The following TTLL7 variants were observed in gnomAD, a reference collection of about 807,000 sequenced individuals.
TTLL7 encodes the protein tubulin polyglutamylase TTLL7.
Under a neutral mutation model 120.2 loss-of-function variants are expected in TTLL7, and 53 were observed. The observed-to-expected ratio is 0.44, with a 90% CI of 0.35 to 0.55. The LOEUF is 0.55. Ranked by LOEUF, TTLL7 falls within the 20% of genes least tolerant of loss-of-function variation. The pLI is 0.00. For synonymous variants in TTLL7, 353 were observed against 351.7 expected (o/e 1.00, Z -0.04); for missense variants, 803 against 1,054.7 (o/e 0.76, Z 3.31).
chr1:83,969,876 T>A (rs1650818733), intron 1 of TTLL7, among the ~76,000 whole-genome samples: 1 of 151,996 alleles, frequency 6.6e-6, no homozygotes, highest in Non-Finnish European at 1.5e-5. Flanking sequence ...GAATGATTCA[T>A]AATAAATGAA....
chr1:83,915,101 G>A (rs185477252), intron 14 of TTLL7, among the ~76,000 whole-genome samples: 409 of 152,196 alleles, frequency 2.7e-3, no homozygotes, highest in African/African-American at 9.4e-3. Flanking sequence ...AAGCAACAGC[G>A]GTTCAGCTGA....
chr1:83,897,591 C>G lies in TTLL7; in HGVS notation c.2208+6488G>C, dbSNP rs191415492. Among the ~76,000 whole-genome samples the G allele has an allele frequency of 5.9e-5, 9 of 152,204 alleles. No homozygotes were observed. The East Asian group carries it at 1.6e-3, about 26-fold the overall frequency. On this transcript the variant is annotated intron_variant, in intron 18 of 20. Transcript: ENST00000260505. Reference sequence around the variant, plus strand: ...GCAATATTCAAACCATGCTTACACTCTCCCAAGATAGTTCCCAGCCAAGGA... The same window carrying G: ...GCAATATTCAAACCATGCTTACACTGTCCCAAGATAGTTCCCAGCCAAGGA...
chr1:83,896,365 C>T (rs1292395374), intron 18 of TTLL7, among the ~76,000 whole-genome samples: 2 of 152,128 alleles, frequency 1.3e-5, no homozygotes, highest in East Asian at 1.9e-4. Context: ...AAATATAGCA[C>T]ATTTGAAGGC....
At chr1:83,997,495 T>G (rs527334903) in intron 1 of TTLL7, among the ~76,000 whole-genome samples, 2 of 152,276 alleles carry the variant, frequency 1.3e-5, no homozygotes, top group South Asian at 4.1e-4. Context: ...AGAACTACAT[T>G]TTACTACAAC....
intron 6 of TTLL7, among the ~76,000 whole-genome samples, 182 bp from the exon 7 acceptor site, chr1:83,942,861 C>A (rs1298903205): frequency 2.6e-5 from 4 of 152,170 alleles, no homozygotes; most frequent in African/African-American, 9.7e-5. Flanking sequence ...AGAAACTAAG[C>A]AAAGGCTTGC....
intron 18 of TTLL7, among the ~76,000 whole-genome samples, chr1:83,902,972 A>C (rs1656851990): frequency 1.3e-5 from 2 of 151,624 alleles, no homozygotes; most frequent in Admixed American, 6.6e-5. Flanking sequence ...TACCCTAAAA[A>C]CCTTCTAGCT....
At chr1:83,874,748 CT>C (rs1171419239) in intron 20 of TTLL7, among the ~76,000 whole-genome samples, 1 of 151,956 alleles carries the variant, frequency 6.6e-6, no homozygotes, top group Non-Finnish European at 1.5e-5. Flanking sequence ...CAAATTCTAC[CT>C]TTGCCAAATC....
At chr1:83,932,562 GGC>G (rs752455445) in intron 9 of TTLL7, among the ~76,000 whole-genome samples, 1 of 122,590 alleles carries the variant, frequency 8.2e-6, no homozygotes, top group Non-Finnish European at 2.0e-5. Flanking sequence ...ACCACACATA[GGC>G]GCGCGCACAC....
At chr1:83,965,054 C>T (rs757032555) in intron 1 of TTLL7, among the ~76,000 whole-genome samples, 2 of 152,002 alleles carry the variant, frequency 1.3e-5, no homozygotes, top group Non-Finnish European at 2.9e-5. Flanking sequence ...GTGAGCATGC[C>T]ACGTTGCTGG....
At position 83,947,251 on chromosome 1, in the gene TTLL7, A is replaced by C; in HGVS notation, c.379T>G (p.Phe127Val). The C allele has an allele frequency of 6.2e-7, 1 of 1,612,066 alleles. No individual in the cohort carries two copies. Among genetic ancestry groups the C allele is most frequent in the South Asian group, 1.1e-5 (1 of 90,406 alleles). ...MIKSRPLDYTFVPRTWIFPAE... is the reference protein window; with the variant it reads ...MIKSRPLDYTVVPRTWIFPAE... ...GGAAAGATCCAAGTTCGAGGAACAA[A>C]GGTATAATCCAGAGGCCGAGACTTG... Residue 127 changes from phenylalanine to valine, a missense_variant, in exon 6 of 21, where the codon TTT (phenylalanine) becomes GTT (valine). Physicochemically the swap from Phe to Val is conservative, Grantham distance 50. Around this residue, in one of 3 missense-constraint regions of TTLL7, gnomAD observed 324 missense variants for 507.7 expected, o/e 0.64. Coordinates refer to ENST00000260505, the MANE Select transcript of TTLL7 (RefSeq NM_024686.6).
intron 18 of TTLL7, among the ~76,000 whole-genome samples, chr1:83,895,507 GA>G (rs573295361): frequency 6.3e-4 from 95 of 151,938 alleles, no homozygotes; most frequent in Non-Finnish European, 9.4e-4. Flanking sequence ...AATTCTGCAG[GA>G]AAAAAATGTA....
At chr1:83,976,186 C>T (rs989940006) in intron 1 of TTLL7, among the ~76,000 whole-genome samples, 1 of 151,916 alleles carries the variant, frequency 6.6e-6, no homozygotes, top group Non-Finnish European at 1.5e-5. Context: ...GATAAAAAGA[C>T]AATCCAGAAA....
chr1:83,997,002 T>A (rs771088533), intron 1 of TTLL7, among the ~76,000 whole-genome samples: 4 of 152,178 alleles, frequency 2.6e-5, no homozygotes, highest in Admixed American at 6.5e-5. Flanking sequence ...TATAGCCATG[T>A]AAAGAACAAA....
intron 20 of TTLL7, among the ~76,000 whole-genome samples, chr1:83,877,723 T>C (rs956089751): frequency 2.4e-4 from 37 of 152,098 alleles, no homozygotes. Flanking sequence ...CCATTTTATA[T>C]TCTTTATCAG....
intron 18 of TTLL7, among the ~76,000 whole-genome samples, chr1:83,893,343 A>G (rs1655941237): frequency 6.6e-6 from 1 of 152,068 alleles, no homozygotes; most frequent in African/African-American, 2.4e-5. Context: ...ATACTTATGC[A>G]ATGTAGGTAT....
intron 19 of TTLL7, among the ~76,000 whole-genome samples, chr1:83,888,297 G>A (rs972104944): frequency 1.6e-4 from 24 of 151,972 alleles, no homozygotes; most frequent in Non-Finnish European, 3.4e-4. Flanking sequence ...TTTACAGGGA[G>A]CCATCAACTA....
At chr1:83,902,334 A>G (rs1246579607) in intron 18 of TTLL7, 1 of 151,914 alleles carries the variant, frequency 6.6e-6, no homozygotes, top group East Asian at 1.9e-4. Flanking sequence ...AAATTCCTTG[A>G]AAAAGTGCCT....
Position 83,892,895 on chromosome 1 carries a change from G to GAAGGAAAAAGAAAAA in TTLL7, c.2209-2415_2209-2414insTTTTTCTTTTTCCTT, listed in dbSNP as rs1248326460. On this transcript the variant is annotated intron_variant, in intron 18 of 20. Transcript: ENST00000260505. ...AAAGAAAAGAGCAAAAAGAGAGAAA[G>GAAGGAAAAAGAAAAA]AGAAAGAAGGAAAAAGAAAAAAGAA... Among the ~76,000 whole-genome samples, 14 of 102,372 alleles carry GAAGGAAAAAGAAAAA rather than the reference G, an allele frequency of 1.4e-4. No individual in the cohort carries two copies. In the South Asian group the frequency reaches 1.5e-3, roughly 11 times the overall value. 67.2% of individuals were successfully genotyped at this position (102,372 alleles called of 152,430 possible).
At chr1:83,876,477 A>G (rs1055993606) in intron 20 of TTLL7, among the ~76,000 whole-genome samples, 1 of 151,944 alleles carries the variant, frequency 6.6e-6, no homozygotes. Context: ...CGCCAAAAAT[A>G]AAAAATAAAC....
Sources: allele counts gnomAD v4.1 joint callset (sites outside exome capture counted in the v4.1 genomes callset), GRCh38; gene constraint gnomAD v4.1.1; regional missense constraint gnomAD v4.1.1; transcripts MANE v1.5; gene names NCBI Gene and HGNC (gene_info 2026-07-23, HGNC 2026-07-21).